The following PTPRD variants were observed in gnomAD, a reference collection of about 807,000 sequenced individuals.
PTPRD encodes receptor-type tyrosine-protein phosphatase delta.
In PTPRD, 34 loss-of-function variants were observed where a neutral mutation model predicts 214.5. That is an observed-to-expected ratio of 0.16 (90% CI 0.12 to 0.21). PTPRD has a LOEUF of 0.21. Ranked by LOEUF, PTPRD falls within the 10% of genes least tolerant of loss-of-function variation. PTPRD has a pLI of 1.00. For synonymous variants in PTPRD, 1,128 were observed against 845.7 expected, an observed-to-expected ratio of 1.33 and a Z score of -5.79; for missense variants, 2,545 against 2,398.7, an observed-to-expected ratio of 1.06 and a Z score of -1.27.
chr9:10,500,494 C>T (rs2043329330), intron 2 of PTPRD, among the ~76,000 whole-genome samples: 1 of 151,792 alleles, frequency 6.6e-6, no homozygotes, highest in South Asian at 2.1e-4. Context: ...ATAATAATCC[C>T]TTCAGGGTAT....
intron 3 of PTPRD, among the ~76,000 whole-genome samples, chr9:10,042,475 G>A (rs994075731): frequency 6.6e-6 from 1 of 151,872 alleles, no homozygotes; most frequent in Admixed American, 6.6e-5. Flanking sequence ...TGCTAGCCCT[G>A]CTCTAGGGTA....
intron 11 of PTPRD, among the ~76,000 whole-genome samples, chr9:8,881,166 T>C (rs1436856173): frequency 6.6e-6 from 1 of 152,198 alleles, no homozygotes; most frequent in Non-Finnish European, 1.5e-5. Context: ...CTTACTGTAT[T>C]CCAGGCACTG....
intron 3 of PTPRD, among the ~76,000 whole-genome samples, chr9:10,071,251 T>C (rs911537528): frequency 2.6e-5 from 4 of 152,028 alleles, no homozygotes; most frequent in Admixed American, 1.3e-4. Context: ...ATATTTTGTA[T>C]ATATGGATAA....
intron 4 of PTPRD, among the ~76,000 whole-genome samples, chr9:9,955,162 G>A (rs915401667): frequency 4.6e-5 from 7 of 152,130 alleles, no homozygotes; most frequent in African/African-American, 1.7e-4. Context: ...AGTAAGCACT[G>A]TCAGCAAACA....
intron 11 of PTPRD, among the ~76,000 whole-genome samples, chr9:8,785,005 C>G (rs1475307282): frequency 2.6e-5 from 4 of 151,972 alleles, no homozygotes; most frequent in Admixed American, 2.0e-4. Context: ...GGATCTTGTA[C>G]CAACATGCTG....
chr9:9,222,477 T>C (rs1459774168), intron 9 of PTPRD, among the ~76,000 whole-genome samples: 1 of 152,086 alleles, frequency 6.6e-6, no homozygotes, highest in African/African-American at 2.4e-5. Flanking sequence ...AAAAATTTAT[T>C]CCATAATGTC....
chr9:10,157,465 C>T (rs78451595), intron 3 of PTPRD, among the ~76,000 whole-genome samples: 1,980 of 152,266 alleles, frequency 0.013, 43 homozygotes, highest in African/African-American at 0.04. Context: ...GGCCTTCAGT[C>T]TCTTCTGGAT....
At chr9:10,606,084 G>C (rs926276958) in intron 2 of PTPRD, among the ~76,000 whole-genome samples, 3 of 151,632 alleles carry the variant, frequency 2.0e-5, no homozygotes, top group African/African-American at 7.3e-5. Flanking sequence ...AATCAAACAG[G>C]AATTACTATG....
At chr9:10,534,397 T>G (rs1487654426) in intron 2 of PTPRD, among the ~76,000 whole-genome samples, 1 of 152,074 alleles carries the variant, frequency 6.6e-6, no homozygotes, top group Non-Finnish European at 1.5e-5. Flanking sequence ...TTATTTAATT[T>G]AAATATAATA....
intron 8 of PTPRD, among the ~76,000 whole-genome samples, chr9:9,548,467 A>G (rs632053): frequency 0.39 from 57,180 of 145,638 alleles, 11,437 homozygotes; most frequent in African/African-American, 0.44. Context: ...GAGGGCAGTG[A>G]CATGATCTTG....
At chr9:8,669,361 C>T (rs528397540) in intron 12 of PTPRD, among the ~76,000 whole-genome samples, 88 of 152,216 alleles carry the variant, frequency 5.8e-4, no homozygotes, top group African/African-American at 1.8e-3. Context: ...GAGAGACTGG[C>T]GCTCACTTCT....
At chr9:9,257,396 T>G (rs906712938) in intron 9 of PTPRD, among the ~76,000 whole-genome samples, 19 of 152,014 alleles carry the variant, frequency 1.2e-4, no homozygotes, top group African/African-American at 4.3e-4. Context: ...GGCTTCCATG[T>G]CCCAACCCCA....
intron 35 of PTPRD, among the ~76,000 whole-genome samples, chr9:8,420,154 A>G (rs2094253070): frequency 6.6e-6 from 1 of 152,150 alleles, no homozygotes; most frequent in South Asian, 2.1e-4. Context: ...GCTTTGGTTA[A>G]GTTTGGATAA....
intron 35 of PTPRD, among the ~76,000 whole-genome samples, chr9:8,434,201 C>T (rs1182454983): frequency 6.6e-6 from 1 of 152,104 alleles, no homozygotes; most frequent in African/African-American, 2.4e-5. Context: ...AGGCTGATCC[C>T]GAACTCCTGA....
At chr9:10,455,636 A>G (rs1298714446) in intron 2 of PTPRD, among the ~76,000 whole-genome samples, 1 of 151,532 alleles carries the variant, frequency 6.6e-6, no homozygotes, top group African/African-American at 2.4e-5. Flanking sequence ...CCCATTCGTC[A>G]CCATATAATT....
intron 9 of PTPRD, among the ~76,000 whole-genome samples, chr9:9,271,982 G>C (rs969874652): frequency 2.0e-5 from 3 of 151,214 alleles, no homozygotes; most frequent in Admixed American, 1.3e-4. Context: ...TCTTTCATGA[G>C]GTTGTAGCAC....
intron 11 of PTPRD, among the ~76,000 whole-genome samples, chr9:8,918,396 G>C (rs1000269753): frequency 2.6e-5 from 4 of 152,168 alleles, no homozygotes; most frequent in Non-Finnish European, 5.9e-5. Context: ...CTTTTTGTTA[G>C]CATGGTGCAC....
rs140731228 is a variant in PTPRD, at chr9:8,526,782, T to C, written c.551-138A>G. 71 of 607,972 alleles carry C rather than the reference T, an allele frequency of 1.2e-4. No individual in the cohort carries two copies. In the African/African-American group the frequency reaches 1.3e-3, roughly 11 times the overall value. 37.7% of individuals were successfully genotyped at this position (607,972 alleles called of 1,614,324 possible). A position where few individuals can be genotyped will look rare whatever the true frequency, so the allele number is the denominator to read the frequency against. ...GTCTTAAAAGAAACTTGAATTACTATATTGGTAAAACAGGAATATATTAGA... is the reference window on the plus strand; with the variant it reads ...GTCTTAAAAGAAACTTGAATTACTACATTGGTAAAACAGGAATATATTAGA... On this transcript the variant is annotated intron_variant, in intron 16 of 45. Transcript: ENST00000381196.
chr9:9,007,647 T>C (rs1278614199), intron 11 of PTPRD, among the ~76,000 whole-genome samples: 1 of 151,392 alleles, frequency 6.6e-6, no homozygotes, highest in African/African-American at 2.4e-5. Flanking sequence ...TCTGGACCTG[T>C]TGCTTTAGAT....
Sources: allele counts gnomAD v4.1 joint callset (sites outside exome capture counted in the v4.1 genomes callset), GRCh38; gene constraint gnomAD v4.1.1; transcripts MANE v1.5; gene names NCBI Gene and HGNC (gene_info 2026-07-23, HGNC 2026-07-21).